The following SBF2 variants were observed in gnomAD, a reference collection of about 807,000 sequenced individuals.
The protein encoded by SBF2 is myotubularin-related protein 13.
A neutral mutation model predicts 225.2 loss-of-function variants in SBF2; 112 were observed. That is an observed-to-expected ratio of 0.50 (90% CI 0.43 to 0.58). The LOEUF is 0.58. Among genes scored for constraint, SBF2 ranks in the 20% least tolerant of loss-of-function variants. SBF2 has a pLI of 0.00. For synonymous variants in SBF2, 763 were observed against 773.3 expected (o/e 0.99, Z 0.22); for missense variants, 1,996 against 2,206.2 (o/e 0.90, Z 1.91).
chr11:10,015,077 T>C (rs961787607), intron 6 of SBF2, among the ~76,000 whole-genome samples: 3 of 152,136 alleles, frequency 2.0e-5, no homozygotes, highest in African/African-American at 7.2e-5. Context: ...GAGGCTACAG[T>C]GAGCTGAGTT....
chr11:10,284,862 G>T (rs980864390), intron 1 of SBF2, among the ~76,000 whole-genome samples: 2 of 151,042 alleles, frequency 1.3e-5, no homozygotes, highest in African/African-American at 4.9e-5. Context: ...GGGCACAAGT[G>T]ATAACCCACC....
intron 21 of SBF2, 35 bp from the exon 22 acceptor site, chr11:9,850,253 T>C: frequency 6.3e-7 from 1 of 1,593,798 alleles, no homozygotes; most frequent in Non-Finnish European, 8.6e-7. Flanking sequence ...ATTGATTGAT[T>C]GACTAATTGA....
intron 15 of SBF2, among the ~76,000 whole-genome samples, chr11:9,963,073 C>T (rs1000467435): frequency 2.6e-5 from 4 of 152,190 alleles, no homozygotes; most frequent in Middle Eastern, 3.2e-3. Flanking sequence ...GGCAAGAAAA[C>T]ATGCTCTAAG....
chr11:10,214,495 C>T (rs1271708974), intron 1 of SBF2, among the ~76,000 whole-genome samples: 4 of 152,112 alleles, frequency 2.6e-5, no homozygotes, highest in East Asian at 1.9e-4. Context: ...TGGTGGCACG[C>T]GCCTGTAGTC....
In SBF2 at chr11:10,118,921, TAAAC is replaced by T. The variant is rs1243676664; in HGVS notation, c.141+74977_141+74980del. On this transcript the variant is annotated intron_variant, in intron 2 of 39. Coordinates refer to ENST00000256190, the MANE Select transcript of SBF2 (RefSeq NM_030962.4). ...CTGGAAGAAAAAAAAAAAACAAAAC[TAAAC>T]AAACAAACAAACAAAAAAAAAACAC... is the stretch of plus-strand genomic sequence containing the variant. Among the ~76,000 whole-genome samples, 245 of 146,666 alleles carry T rather than the reference TAAAC, an allele frequency of 1.7e-3. 2 individuals carry two copies. Among genetic ancestry groups the T allele is most frequent in the Admixed American group, 0.012 (179 of 14,464 alleles).
At chr11:10,255,123 T>C (rs549683744) in intron 1 of SBF2, among the ~76,000 whole-genome samples, 1 of 151,864 alleles carries the variant, frequency 6.6e-6, no homozygotes, top group African/African-American at 2.4e-5. Flanking sequence ...TCAAAGGACA[T>C]AAAACTTCAG....
intron 16 of SBF2, among the ~76,000 whole-genome samples, chr11:9,931,754 T>C (rs1864514344): frequency 6.6e-6 from 1 of 152,118 alleles, no homozygotes; most frequent in African/African-American, 2.4e-5. Context: ...TCCCCAGCAA[T>C]GGAACAAAGC....
intron 1 of SBF2, among the ~76,000 whole-genome samples, chr11:10,196,860 A>ATTTT (rs1288978130): frequency 0.01 from 142 of 13,640 alleles, 5 homozygotes; most frequent in Non-Finnish European, 0.037. Flanking sequence ...ATATATATAT[A>ATTTT]TATATATTTT....
chr11:9,969,812 TA>T (rs1339048729), intron 13 of SBF2, among the ~76,000 whole-genome samples: 2 of 152,304 alleles, frequency 1.3e-5, no homozygotes, highest in East Asian at 3.9e-4. Context: ...CTCCATAAAA[TA>T]AAGCTCCATG....
chr11:9,920,263 A>C (rs1863512158), intron 16 of SBF2, among the ~76,000 whole-genome samples: 1 of 151,086 alleles, frequency 6.6e-6, no homozygotes, highest in Admixed American at 6.6e-5. Flanking sequence ...TTATTTACTT[A>C]TTTTTGGCAT....
intron 33 of SBF2, chr11:9,791,016 A>G (rs543851987): frequency 5.1e-6 from 1 of 197,840 alleles, no homozygotes; most frequent in Non-Finnish European, 1.0e-5. Context: ...TTTTCAAGAG[A>G]AAATGGAAGG....
At chr11:10,226,676 T>C (rs1354127172) in intron 1 of SBF2, among the ~76,000 whole-genome samples, 1 of 152,228 alleles carries the variant, frequency 6.6e-6, no homozygotes, top group Non-Finnish European at 1.5e-5. Flanking sequence ...TTTTTATGGC[T>C]GCATAGTATT....
At chr11:9,802,226 A>G in intron 32 of SBF2, among the ~76,000 whole-genome samples, 1 of 152,156 alleles carries the variant, frequency 6.6e-6, no homozygotes, top group Admixed American at 6.5e-5. Flanking sequence ...TGGCTCAACT[A>G]TTTTAAGAAA....
Position 9,780,204 on chromosome 11 carries a change from A to T in SBF2, c.*214T>A. 1 of 579,524 alleles carries T rather than the reference A, an allele frequency of 1.7e-6. No homozygotes were observed. The highest frequency in any genetic ancestry group is 3.1e-5 in the East Asian group (1 of 32,332). The allele number at this position is 579,524 out of a possible 1,614,324, so 35.9% of individuals were successfully genotyped here. Reference sequence around the variant, plus strand: ...GACCCTGTTAGAAAAATTTAGTGCAAGATACAGGGAGTGCATGGGGCTGTT... The same window carrying T: ...GACCCTGTTAGAAAAATTTAGTGCATGATACAGGGAGTGCATGGGGCTGTT... On this transcript the variant is annotated 3_prime_UTR_variant, in exon 40 of 40. Transcript: ENST00000256190.
chr11:10,257,753 T>C (rs1318834812), intron 1 of SBF2, among the ~76,000 whole-genome samples: 11 of 151,000 alleles, frequency 7.3e-5, no homozygotes, highest in Non-Finnish European at 1.2e-4. Flanking sequence ...TCCCAGCACT[T>C]TGGGAGGCCG....
intron 2 of SBF2, among the ~76,000 whole-genome samples, chr11:10,124,754 C>A (rs1347954276): frequency 6.6e-6 from 1 of 152,070 alleles, no homozygotes; most frequent in Non-Finnish European, 1.5e-5. Context: ...TCCATCTCTG[C>A]ACTGTGAAAA....
chr11:9,999,803 T>C (rs1947876310), intron 8 of SBF2, among the ~76,000 whole-genome samples: 2 of 152,228 alleles, frequency 1.3e-5, no homozygotes, highest in African/African-American at 2.4e-5. Context: ...ATGATGACTA[T>C]ACGAATGAAA....
chr11:9,957,547 A>C (rs61876982), intron 16 of SBF2: 17,342 of 151,022 alleles, frequency 0.11, 1,120 homozygotes, highest in Non-Finnish European at 0.13. Context: ...GCAACCTCCA[A>C]CTCCTGGGTT....
intron 1 of SBF2, among the ~76,000 whole-genome samples, chr11:10,231,537 T>C (rs1591270991): frequency 6.6e-6 from 1 of 152,324 alleles, no homozygotes; most frequent in East Asian, 1.9e-4. Context: ...GTCAGGACCC[T>C]CAGCTTCAGG....
Sources: gnomAD v4.1 joint callset for allele counts (sites outside exome capture counted in the v4.1 genomes callset) on GRCh38, gnomAD v4.1.1 for gene constraint, MANE v1.5 for transcripts, NCBI Gene and HGNC (gene_info 2026-07-23, HGNC 2026-07-21) for gene names.